ZFP62: variants seen among roughly 807,000 people sequenced by gnomAD.
ZFP62 encodes the protein ZFP62 zinc finger protein.
A neutral mutation model predicts 56.4 loss-of-function variants in ZFP62; 44 were observed. The observed-to-expected ratio is 0.78, with a 90% CI of 0.61 to 1.00. The LOEUF (loss-of-function observed/expected upper bound fraction) is 1.00, where lower values mean the gene tolerates loss of function less well. Ranked by LOEUF, ZFP62 falls within the 50% of genes least tolerant of loss-of-function variation. The pLI is 0.00. For synonymous variants in ZFP62, 421 were observed against 388.9 expected, an observed-to-expected ratio of 1.08 and a Z score of -0.97; for missense variants, 1,030 against 1,085.7, an observed-to-expected ratio of 0.95 and a Z score of 0.72.
chr5:180,856,610 G>T (rs1177172316), intron 1 of ZFP62, among the ~76,000 whole-genome samples: 1 of 152,120 alleles, frequency 6.6e-6, no homozygotes, highest in Non-Finnish European at 1.5e-5. Flanking sequence ...TGCCATCAAG[G>T]TGCCTGCAGA....
the ZFP62 span, among the ~76,000 whole-genome samples, chr5:180,833,716 G>A: frequency 6.6e-6 from 1 of 150,584 alleles, no homozygotes; most frequent in Non-Finnish European, 1.5e-5. Flanking sequence ...TATTGCCCAG[G>A]CTGGAGCGCA....
At chr5:180,836,471 A>C in the ZFP62 span, among the ~76,000 whole-genome samples, 1 of 152,042 alleles carries the variant, frequency 6.6e-6, no homozygotes, top group Non-Finnish European at 1.5e-5. Context: ...GGGTCTCTCA[A>C]TCTCTCACTC....
chr5:180,848,578 T>C lies in ZFP62; in HGVS notation c.*214A>G. ...CAGATCTAAGTTTTTCTCTCAAGTA[T>C]GGACTGTTTTATATCCTGTAAGAGC... On this transcript the variant is annotated 3_prime_UTR_variant, in exon 2 of 2. Coordinates refer to ENST00000502412, the MANE Select transcript of ZFP62 (RefSeq NM_001172638.2). The C allele has an allele frequency of 7.9e-7, 1 of 1,272,134 alleles. No homozygotes were observed. The highest frequency in any genetic ancestry group is 9.9e-7 in the Non-Finnish European group (1 of 1,009,832). 78.8% of individuals were successfully genotyped at this position (1,272,134 alleles called of 1,614,324 possible). A position where few individuals can be genotyped will look rare whatever the true frequency, so the allele number is the denominator to read the frequency against.
chr5:180,845,630 T>C (rs1213612707), downstream of ZFP62: 2 of 810,796 alleles, frequency 2.5e-6, no homozygotes, highest in Admixed American at 6.2e-5. Context: ...CTCTAGGCCT[T>C]TAGCTGAAGC....
chr5:180,847,491 G>A (rs1773445094), downstream of ZFP62: 3 of 689,478 alleles, frequency 4.4e-6, no homozygotes, highest in Non-Finnish European at 5.4e-6. Context: ...AACCAGCTGA[G>A]CTGCTAGCCC....
chr5:180,827,638 C>A, the ZFP62 span, among the ~76,000 whole-genome samples: 1 of 152,214 alleles, frequency 6.6e-6, no homozygotes, highest in Non-Finnish European at 1.5e-5. Flanking sequence ...TGCAATATGG[C>A]CTCATGGGAA....
chr5:180,834,070 G>T, the ZFP62 span, among the ~76,000 whole-genome samples: 1 of 152,186 alleles, frequency 6.6e-6, no homozygotes, highest in Non-Finnish European at 1.5e-5. Flanking sequence ...TAACCCCTTT[G>T]TGATGGTAAC....
downstream of ZFP62, among the ~76,000 whole-genome samples, chr5:180,844,395 G>C (rs1413386270): frequency 6.6e-6 from 1 of 152,200 alleles, no homozygotes; most frequent in Non-Finnish European, 1.5e-5. Flanking sequence ...CCTCTCTGGG[G>C]CTTTGCCCTG....
rs141526531 is a variant in ZFP62, at chr5:180,848,307, T to C, written c.*485A>G. 1,545 of 985,724 alleles carry C rather than the reference T, an allele frequency of 1.6e-3. 19 individuals carry two copies. The African/African-American group carries it at 0.025, about 16-fold the overall frequency. The allele number at this position is 985,724 out of a possible 1,614,324, so 61.1% of individuals were successfully genotyped here. A position where few individuals can be genotyped will look rare whatever the true frequency, so the allele number is the denominator to read the frequency against. On this transcript the variant is annotated 3_prime_UTR_variant, in exon 2 of 2. Transcript: ENST00000502412. ...TTAAAGACCACTAATATTAAATAAA[T>C]TTATATTCCCTGAAACCTATCCTCC... is the stretch of plus-strand genomic sequence containing the variant.
At chr5:180,835,724 T>C in the ZFP62 span, 1 of 152,360 alleles carries the variant, frequency 6.6e-6, no homozygotes, top group East Asian at 1.9e-4. Context: ...GCAGTTTTCC[T>C]CAGCCAGTGT....
downstream of ZFP62, among the ~76,000 whole-genome samples, chr5:180,843,009 C>T (rs1044445709): frequency 6.8e-6 from 1 of 147,976 alleles, no homozygotes; most frequent in African/African-American, 2.5e-5. Flanking sequence ...TGCCACTGCA[C>T]TCCAGCCTGG....
At chr5:180,844,186 G>T (rs1773366039), downstream of ZFP62, among the ~76,000 whole-genome samples, 1 of 152,170 alleles carries the variant, frequency 6.6e-6, no homozygotes, top group Non-Finnish European at 1.5e-5. Flanking sequence ...TAAAAAGATA[G>T]TCAATTTAAC....
the ZFP62 span, among the ~76,000 whole-genome samples, chr5:180,828,622 T>G: frequency 6.6e-6 from 1 of 152,252 alleles, no homozygotes. Flanking sequence ...GTATGTCACC[T>G]CAGGATCACT....
Position 180,847,689 on chromosome 5 carries a change from T to A in ZFP62, c.*1103A>T. The A allele has an allele frequency of 1.0e-6, 1 of 985,380 alleles. No individual in the cohort carries two copies. Among genetic ancestry groups the A allele is most frequent in the East Asian group, 1.1e-4 (1 of 8,816 alleles). 61.0% of individuals were successfully genotyped at this position (985,380 alleles called of 1,614,324 possible). On this transcript the variant is annotated 3_prime_UTR_variant, in exon 2 of 2. Coordinates refer to ENST00000502412, the MANE Select transcript of ZFP62 (RefSeq NM_001172638.2). Reference sequence around the variant, plus strand: ...GCTGGCTTTCATGACAAAGAGAGAGTGAGCCCTGAACAAAGTATTCGTTAA... The same window carrying A: ...GCTGGCTTTCATGACAAAGAGAGAGAGAGCCCTGAACAAAGTATTCGTTAA...
chr5:180,831,021 A>G, the ZFP62 span: 10,762 of 152,616 alleles, frequency 0.071, 1,246 homozygotes, highest in African/African-American at 0.24. Context: ...GCTGGAGCGA[A>G]GAGTTCTTTT....
At chr5:180,836,712 G>T in the ZFP62 span, among the ~76,000 whole-genome samples, 3 of 152,206 alleles carry the variant, frequency 2.0e-5, no homozygotes, top group South Asian at 2.1e-4. Flanking sequence ...GTAAACTGAG[G>T]TAAGGGCCAT....
chr5:180,845,969 G>GT (rs1773403173), downstream of ZFP62: 1 of 559,220 alleles, frequency 1.8e-6, no homozygotes, highest in Non-Finnish European at 2.3e-6. Context: ...CATACTCACT[G>GT]TTTTTTCAGG....
Position 180,849,068 on chromosome 5 carries a change from C to T in ZFP62, c.2427G>A (p.Gly809=), listed in dbSNP as rs763774336. 15 of 1,552,434 alleles carry T rather than the reference C, an allele frequency of 9.7e-6. No individual in the cohort carries two copies. Among genetic ancestry groups the T allele is most frequent in the Non-Finnish European group, 1.2e-5 (14 of 1,147,254 alleles). ...SLINHKSVHQ[G]KQPYNCECGK... ...CACACTCACAATTATAGGGCTGCTT[C>T]CCCTGGTGGACACTTTTATGATTGA... Residue 809 remains glycine (G), a synonymous_variant, in exon 2 of 2, where the codon GGG becomes GGA. Transcript: ENST00000502412.
chr5:180,841,268 C>T, the ZFP62 span, among the ~76,000 whole-genome samples: 4 of 148,312 alleles, frequency 2.7e-5, no homozygotes, highest in Non-Finnish European at 4.5e-5. Context: ...CACACACACA[C>T]ATATATATAT....
Sources: allele counts gnomAD v4.1 joint callset (sites outside exome capture counted in the v4.1 genomes callset), GRCh38; gene constraint gnomAD v4.1.1; transcripts MANE v1.5; gene names NCBI Gene and HGNC (gene_info 2026-07-23, HGNC 2026-07-21).